Variants in GGTA1 observed in about 807,000 individuals in gnomAD.
GGTA1 encodes the protein glycoprotein alpha-galactosyltransferase 1 (inactive).
GGTA1 carries 5 observed loss-of-function variants against 2.6 expected under a neutral mutation model. That is an observed-to-expected ratio of 1.92 (90% CI 1.00 to 4.04). The LOEUF is 4.04. Ranked by LOEUF, GGTA1 falls within the 30% of genes most tolerant of loss-of-function variation. GGTA1 has a pLI of 0.00. For missense variants in GGTA1, 50 were observed against 16.7 expected (o/e 2.99, Z -3.47); for synonymous variants, 17 against 5.0 (o/e 3.38, Z -3.19).
chr9:121,472,996 C>A (rs979362982), intron 1 of GGTA1, among the ~76,000 whole-genome samples: 35 of 152,230 alleles, frequency 2.3e-4, no homozygotes, highest in African/African-American at 7.9e-4. Context: ...AATCTGCCTG[C>A]TTTTTTGCTG....
At chr9:121,469,364 G>A (rs1034180466) in intron 1 of GGTA1, among the ~76,000 whole-genome samples, 5 of 152,180 alleles carry the variant, frequency 3.3e-5, no homozygotes, top group Admixed American at 1.3e-4. Context: ...GAAAAATACT[G>A]TCACCTCAGC....
intron 2 of GGTA1, among the ~76,000 whole-genome samples, chr9:121,467,130 C>T (rs2065010793): frequency 6.6e-6 from 1 of 152,110 alleles, no homozygotes; most frequent in Non-Finnish European, 1.5e-5. Context: ...CTTTTCCAGT[C>T]TTTTGAGTCA....
At chr9:121,451,591 T>C (rs1020433780), downstream of GGTA1, among the ~76,000 whole-genome samples, 1 of 152,220 alleles carries the variant, frequency 6.6e-6, no homozygotes, top group African/African-American at 2.4e-5. Context: ...GAGCAAGCTC[T>C]GACCAGCAAA....
intron 1 of GGTA1, among the ~76,000 whole-genome samples, chr9:121,468,209 C>T (rs533786067): frequency 6.2e-4 from 94 of 152,286 alleles, no homozygotes; most frequent in African/African-American, 2.2e-3. Flanking sequence ...GCGATGTTCC[C>T]CTCCCTGTGT....
At chr9:121,495,447 T>C (rs1221835330) in intron 1 of GGTA1, among the ~76,000 whole-genome samples, 1 of 152,156 alleles carries the variant, frequency 6.6e-6, no homozygotes, top group Non-Finnish European at 1.5e-5. Context: ...CTTGGGAACC[T>C]GAGGCAGGAG....
At chr9:121,498,153 G>C (rs953140771) in intron 1 of GGTA1, among the ~76,000 whole-genome samples, 2 of 152,216 alleles carry the variant, frequency 1.3e-5, no homozygotes, top group Non-Finnish European at 2.9e-5. Context: ...ATAAGATAGG[G>C]AAGGGGCCAG....
At chr9:121,489,774 T>G (rs1273149334) in intron 1 of GGTA1, among the ~76,000 whole-genome samples, 2 of 152,232 alleles carry the variant, frequency 1.3e-5, no homozygotes, top group East Asian at 3.9e-4. Context: ...AGTATGGTGG[T>G]GAAGCCCAAC....
chr9:121,494,135 C>T (rs546088435), intron 1 of GGTA1, among the ~76,000 whole-genome samples: 1 of 152,152 alleles, frequency 6.6e-6, no homozygotes, highest in Non-Finnish European at 1.5e-5. Flanking sequence ...CTTTTCCCTG[C>T]CATTCATATC....
At chr9:121,452,489 GC>G (rs2064883023), downstream of GGTA1, among the ~76,000 whole-genome samples, 1 of 151,924 alleles carries the variant, frequency 6.6e-6, no homozygotes, top group African/African-American at 2.4e-5. Flanking sequence ...TGGCTCAGGT[GC>G]CTCTGAGGGC....
intron 1 of GGTA1, among the ~76,000 whole-genome samples, chr9:121,487,305 G>A (rs1426023861): frequency 6.7e-6 from 1 of 149,876 alleles, no homozygotes; most frequent in Non-Finnish European, 1.5e-5. Context: ...CAGGCTGCGC[G>A]CGGTGACTCA....
At chr9:121,485,506 C>T (rs896687946) in intron 1 of GGTA1, among the ~76,000 whole-genome samples, 1 of 152,180 alleles carries the variant, frequency 6.6e-6, no homozygotes, top group African/African-American at 2.4e-5. Flanking sequence ...TACGTGTCTT[C>T]CTGAGTTGAT....
At chr9:121,496,464 C>T (rs10985273) in intron 1 of GGTA1, among the ~76,000 whole-genome samples, 41,195 of 151,638 alleles carry the variant, frequency 0.27, 6,078 homozygotes, top group Middle Eastern at 0.37. Flanking sequence ...GGCGTGGTGG[C>T]TCACACCTGC....
intron 2 of GGTA1, among the ~76,000 whole-genome samples, chr9:121,465,309 G>A (rs1264130423): frequency 2.6e-5 from 4 of 152,206 alleles, no homozygotes; most frequent in East Asian, 1.9e-4. Flanking sequence ...CAGACATTCC[G>A]ACTCCAGGCA....
chr9:121,498,784 C>CG (rs1829043340), intron 1 of GGTA1, among the ~76,000 whole-genome samples: 2 of 152,318 alleles, frequency 1.3e-5, no homozygotes, highest in South Asian at 4.1e-4. Flanking sequence ...TCACACCCTC[C>CG]GCGCCTCCCA....
At chr9:121,465,007 A>AAC (rs894306005) in intron 2 of GGTA1, among the ~76,000 whole-genome samples, 8 of 151,444 alleles carry the variant, frequency 5.3e-5, no homozygotes, top group African/African-American at 1.9e-4. Flanking sequence ...AAAACAAACA[A>AAC]AAAAAAAAAA....
At chr9:121,474,117 AC>A (rs1221680303) in intron 1 of GGTA1, among the ~76,000 whole-genome samples, 1 of 152,144 alleles carries the variant, frequency 6.6e-6, no homozygotes, top group Non-Finnish European at 1.5e-5. Flanking sequence ...AAGTATTAAC[AC>A]CCTGTCTTAA....
exon 8 of GGTA1, chr9:121,447,102 A>G (rs951981330): frequency 6.6e-6 from 1 of 152,624 alleles, no homozygotes; most frequent in Admixed American, 6.5e-5. Flanking sequence ...TTTCTTGTCC[A>G]GGAGGATTCC....
intron 1 of GGTA1, among the ~76,000 whole-genome samples, chr9:121,489,842 G>C (rs532265729): frequency 5.8e-4 from 89 of 152,332 alleles, no homozygotes; most frequent in African/African-American, 2.0e-3. Flanking sequence ...CCCAGTCACA[G>C]GAGTGTGAAC....
At chr9:121,462,166 A>G (rs1279052318) in intron 3 of GGTA1, among the ~76,000 whole-genome samples, 1 of 152,122 alleles carries the variant, frequency 6.6e-6, no homozygotes, top group Admixed American at 6.6e-5. Flanking sequence ...TCTACCAAAA[A>G]CACAAAAAAT....
Sources: gnomAD v4.1 joint callset for allele counts (sites outside exome capture counted in the v4.1 genomes callset) on GRCh38, gnomAD v4.1.1 for gene constraint, MANE v1.5 for transcripts, NCBI Gene and HGNC (gene_info 2026-07-23, HGNC 2026-07-21) for gene names.